The following GALNT10 variants were observed in gnomAD, a reference collection of about 807,000 sequenced individuals.
GALNT10 encodes the protein GalNAc transferase 10.
GALNT10 carries 41 observed loss-of-function variants against 75.0 expected under a neutral mutation model. The observed-to-expected ratio is 0.55, with a 90% CI of 0.43 to 0.71. GALNT10 has a LOEUF of 0.71. Among genes scored for constraint, GALNT10 ranks in the 30% least tolerant of loss-of-function variants. The probability of loss-of-function intolerance (pLI) is 0.00; values close to 1 mark genes in which losing one functional copy is unlikely to be tolerated. For missense variants in GALNT10, 727 were observed against 818.5 expected (o/e 0.89, Z 1.36); for synonymous variants, 302 against 313.0 (o/e 0.96, Z 0.37).
At chr5:154,315,651 G>A (rs978855609) in intron 3 of GALNT10, among the ~76,000 whole-genome samples, 13 of 152,294 alleles carry the variant, frequency 8.5e-5, no homozygotes, top group African/African-American at 1.4e-4. Flanking sequence ...ATGGATTGGC[G>A]GCCCTGAGTC....
chr5:154,226,080 A>G (rs34522583), intron 1 of GALNT10, among the ~76,000 whole-genome samples: 8,865 of 152,056 alleles, frequency 0.058, 461 homozygotes, highest in African/African-American at 0.14. Flanking sequence ...ACATGTATAT[A>G]TATGTAACAG....
intron 1 of GALNT10, among the ~76,000 whole-genome samples, chr5:154,195,711 T>G (rs1429807297): frequency 1.3e-5 from 2 of 152,206 alleles, no homozygotes; most frequent in African/African-American, 4.8e-5. Context: ...CTCCAAGTTC[T>G]TGTTCTATTT....
rs146281938 is a variant in GALNT10 at position 154,323,120 on chromosome 5, G to A, written c.402-6452G>A. Among the ~76,000 whole-genome samples the A allele has an allele frequency of 6.7e-3, 1,015 of 152,260 alleles. 8 individuals carry two copies. Among genetic ancestry groups the A allele is most frequent in the African/African-American group, 0.023 (951 of 41,538 alleles). The stretch of plus-strand genomic sequence containing the variant: ...GGGCTCAGCAAACTTTTTCTGTAAC[G>A]GGCCAGATAGTAAATGTTACGGGCT... On this transcript the variant is annotated intron_variant, in intron 3 of 11. Transcript: ENST00000297107.
In GALNT10 at chr5:154,420,304, T is replaced by C. The variant is rs1390387884; in HGVS notation, c.*3332T>C. ...ATTCACTTTTCAAACTTCCCACCAG[T>C]TGAATTTCTTTTTTTCCTTAAGAAA... is the stretch of plus-strand genomic sequence containing the variant. On this transcript the variant is annotated 3_prime_UTR_variant, in exon 12 of 12. Transcript: ENST00000297107. 6.6e-6 allele frequency: 1 copy of C among 152,228 alleles called. No homozygotes were observed. The highest frequency in any genetic ancestry group is 1.5e-5 in the Non-Finnish European group (1 of 68,038). The allele number at this position is 152,228 out of a possible 1,614,324, so 9.4% of individuals were successfully genotyped here.
chr5:154,290,348 A>T (rs1226947868), intron 1 of GALNT10, among the ~76,000 whole-genome samples: 1 of 144,234 alleles, frequency 6.9e-6, no homozygotes, highest in Non-Finnish European at 1.5e-5. Context: ...ACCTCAAGTG[A>T]TCCGCCCACC....
chr5:154,213,309 C>T (rs975542313), intron 1 of GALNT10, among the ~76,000 whole-genome samples: 1 of 152,174 alleles, frequency 6.6e-6, no homozygotes, highest in Non-Finnish European at 1.5e-5. Context: ...AAAGGAAAAA[C>T]AACCTCTCCA....
At chr5:154,259,521 G>A (rs549445096) in intron 1 of GALNT10, among the ~76,000 whole-genome samples, 1 of 152,248 alleles carries the variant, frequency 6.6e-6, no homozygotes, top group Non-Finnish European at 1.5e-5. Flanking sequence ...CCAGTTGCAG[G>A]AACTATTTCT....
In GALNT10 at chr5:154,234,600, G is replaced by A. The variant is rs563927946; in HGVS notation, c.159+43575G>A. On this transcript the variant is annotated intron_variant, in intron 1 of 11. Coordinates refer to ENST00000297107, the MANE Select transcript of GALNT10 (RefSeq NM_198321.4). ...TTCATTTAACACGTGAAGGAAGTAA[G>A]GTACCATGAGGTCAAGTAACTTGAT... 3.5e-4 allele frequency among the ~76,000 whole-genome samples: 53 copies of A among 152,330 alleles called. 1 individual carries two copies. In the South Asian group the frequency reaches 0.011, roughly 31 times the overall value.
chr5:154,393,067 A>AAAAC (rs70978538), intron 7 of GALNT10: 6 of 116,508 alleles, frequency 5.1e-5, no homozygotes, highest in African/African-American at 2.2e-4. Context: ...CAAAAAAAAA[A>AAAAC]AAAAAAAAAA....
rs139021674 is a variant in GALNT10, at chr5:154,308,517, G to A, written c.401+10438G>A. ...AGAATTGAGCTTTCCTGCCCCACGT[G>A]GCATCACCAGCTGTGCATCCCTGTC... On this transcript the variant is annotated intron_variant, in intron 3 of 11. Transcript: ENST00000297107. 8.6e-3 allele frequency among the ~76,000 whole-genome samples: 1,312 copies of A among 152,350 alleles called. 6 individuals are homozygous for A. The highest frequency in any genetic ancestry group is 0.015 in the Non-Finnish European group (987 of 68,038).
At chr5:154,383,617 G>A (rs1755764709) in intron 6 of GALNT10, among the ~76,000 whole-genome samples, 1 of 152,132 alleles carries the variant, frequency 6.6e-6, no homozygotes, top group Admixed American at 6.5e-5. Flanking sequence ...CCTATTCCAT[G>A]CAGCCCCTCA....
At position 154,402,589 on chromosome 5, in the gene GALNT10, G is replaced by A. The variant is rs1411296841; in HGVS notation, c.1057-1515G>A. Among the ~76,000 whole-genome samples, 1 of 152,248 alleles carries A rather than the reference G, an allele frequency of 6.6e-6. No homozygotes were observed. Among genetic ancestry groups the A allele is most frequent in the African/African-American group, 2.4e-5 (1 of 41,464 alleles). On this transcript the variant is annotated intron_variant, in intron 7 of 11. Coordinates refer to ENST00000297107, the MANE Select transcript of GALNT10 (RefSeq NM_198321.4). This position sits in a 1 kb window ranked among gnomAD's most constrained non-coding sequence, Gnocchi z 4.2. ...ATGATGGCAGCGCTTCCCTAGGCCAGGGATTTGGGAGTGGCTTGGTTTGAT... is the reference window on the plus strand; with the variant it reads ...ATGATGGCAGCGCTTCCCTAGGCCAAGGATTTGGGAGTGGCTTGGTTTGAT...
intron 3 of GALNT10, among the ~76,000 whole-genome samples, chr5:154,325,224 CT>C (rs1202098666): frequency 2.6e-5 from 4 of 152,136 alleles, no homozygotes; most frequent in Non-Finnish European, 5.9e-5. Context: ...AAAAATTTGA[CT>C]GTAGATTCCT....
At position 154,418,893 on chromosome 5, in the gene GALNT10, G is replaced by A. The variant is rs749951267; in HGVS notation, c.*1921G>A. The A allele has an allele frequency of 5.2e-5, 8 of 152,560 alleles. No individual in the cohort carries two copies. Among genetic ancestry groups the A allele is most frequent in the African/African-American group, 1.9e-4 (8 of 41,440 alleles). 9.5% of individuals were successfully genotyped at this position (152,560 alleles called of 1,614,324 possible). ...AAGTCAAAAGATGAGGCCCCTTCTA[G>A]AATCTAGGATAACAAGAGTGTTGAC... On this transcript the variant is annotated 3_prime_UTR_variant, in exon 12 of 12. Coordinates refer to ENST00000297107, the MANE Select transcript of GALNT10 (RefSeq NM_198321.4).
chr5:154,409,406 C>T lies in GALNT10; in HGVS notation c.1165-135C>T. 1.3e-6 allele frequency: 1 copy of T among 750,456 alleles called. No homozygotes were observed. The highest frequency in any genetic ancestry group is 2.5e-6 in the Non-Finnish European group (1 of 407,082). 46.5% of individuals were successfully genotyped at this position (750,456 alleles called of 1,614,324 possible). ...AATAGAAACACAGAAGGCCTAAACT[C>T]ACGGTGGGGCTGGGATTTTTGATGG... On this transcript the variant is annotated intron_variant, in intron 8 of 11. Coordinates refer to ENST00000297107, the MANE Select transcript of GALNT10 (RefSeq NM_198321.4). The surrounding 1 kb of genome is among the most constrained non-coding windows in gnomAD (Gnocchi z 4.5).
chr5:154,200,021 A>G (rs1033640928), intron 1 of GALNT10, among the ~76,000 whole-genome samples: 3 of 152,180 alleles, frequency 2.0e-5, no homozygotes, highest in African/African-American at 7.2e-5. Flanking sequence ...CAGGATTCCA[A>G]TCCAGCTGGG....
chr5:154,235,086 G>A (rs949476245), intron 1 of GALNT10, among the ~76,000 whole-genome samples: 3 of 152,174 alleles, frequency 2.0e-5, no homozygotes, highest in Non-Finnish European at 4.4e-5. Context: ...GTTCCCAAAG[G>A]AAAGAAATCT....
chr5:154,385,813 A>G (rs779398800), intron 6 of GALNT10, among the ~76,000 whole-genome samples: 8 of 152,232 alleles, frequency 5.3e-5, no homozygotes, highest in Non-Finnish European at 7.3e-5. Context: ...CTACTGAGTA[A>G]TAGTTGTCAA....
In GALNT10 at chr5:154,398,426, C is replaced by G. The variant is rs371026425; in HGVS notation, c.1057-5678C>G. Among the ~76,000 whole-genome samples the G allele has an allele frequency of 3.2e-4, 49 of 152,336 alleles. 3 individuals are homozygous for G. Among genetic ancestry groups the G allele is most frequent in the African/African-American group, 1.2e-3 (48 of 41,574 alleles). ...CCTGGAGCTCCCCTTCTCTTTGTCC[C>G]CAGCTGGACTCTGCTCCTGCCTCTT... is the stretch of plus-strand genomic sequence containing the variant. On this transcript the variant is annotated intron_variant, in intron 7 of 11. Transcript: ENST00000297107.
Sources: allele counts gnomAD v4.1 joint callset (sites outside exome capture counted in the v4.1 genomes callset), GRCh38; gene constraint gnomAD v4.1.1; non-coding constraint Gnocchi (gnomAD v3.1); transcripts MANE v1.5; gene names NCBI Gene and HGNC (gene_info 2026-07-23, HGNC 2026-07-21).